BRCA2: variants seen among roughly 807,000 people sequenced by gnomAD.
BRCA2 encodes BRCA2 DNA repair associated, also known as breast cancer type 2 susceptibility protein.
A neutral mutation model predicts 276.7 loss-of-function variants in BRCA2; 203 were observed. That is an observed-to-expected ratio of 0.73 (90% CI 0.65 to 0.82). BRCA2 has a LOEUF of 0.82. Among genes scored for constraint, BRCA2 ranks in the 40% least tolerant of loss-of-function variants. BRCA2 has a pLI of 0.00. For synonymous variants in BRCA2, 1,289 were observed against 1,338.4 expected, an observed-to-expected ratio of 0.96 and a Z score of 0.81; for missense variants, 3,920 against 3,915.0, an observed-to-expected ratio of 1.00 and a Z score of -0.03.
At chr13:32,368,589 A>T (rs2137592577) in intron 18 of BRCA2, among the ~76,000 whole-genome samples, 1 of 151,258 alleles carries the variant, frequency 6.6e-6, no homozygotes, top group East Asian at 2.0e-4. Flanking sequence ...CTCAATGGTG[A>T]TCATTCACTG....
At position 32,326,103 on chromosome 13, in the gene BRCA2, CTGT is replaced by C. The variant is rs80359442; in HGVS notation, c.433_435del (p.Val145del). 4.0e-5 allele frequency: 64 copies of C among 1,608,284 alleles called. No homozygotes were observed. The highest frequency in any genetic ancestry group is 5.3e-5 in the Non-Finnish European group (62 of 1,177,332). On this transcript the variant is annotated inframe_deletion, in exon 5 of 27. Coordinates refer to ENST00000380152, the MANE Select transcript of BRCA2 (RefSeq NM_000059.4). ...GGATTTGCTTTGTTTTATTTTAGTC[CTGT>C]TGTTCTACAATGTACACATGTAACA...
chr13:32,327,162 TGTAG>T (rs1199612082), intron 7 of BRCA2, among the ~76,000 whole-genome samples: 7 of 152,150 alleles, frequency 4.6e-5, no homozygotes, highest in Admixed American at 1.3e-4. Flanking sequence ...TATTTCCTAT[TGTAG>T]GCTGGTTGCA....
chr13:32,373,757 A>G (rs1263104107), intron 20 of BRCA2, among the ~76,000 whole-genome samples: 1 of 151,912 alleles, frequency 6.6e-6, no homozygotes, highest in African/African-American at 2.4e-5. Context: ...TCAGTGGGGG[A>G]TGATGGCCCT....
Position 32,370,558 on chromosome 13 carries a change from G to A in BRCA2, c.8487+1G>A, listed in dbSNP as rs81002798. The A allele has an allele frequency of 6.2e-7, 1 of 1,609,642 alleles. No individual in the cohort carries two copies. Among genetic ancestry groups the A allele is most frequent in the Non-Finnish European group, 8.5e-7 (1 of 1,175,992 alleles). On this transcript the variant is annotated splice_donor_variant, in intron 19 of 26. Transcript: ENST00000380152. LOFTEE classifies it high-confidence loss of function. ...TATTCAAAGAGCATACCCTATACAG[G>A]TATGATGTATTCTTGAAACTTACCA... is the stretch of plus-strand genomic sequence containing the variant.
chr13:32,363,676 C>A, intron 18 of BRCA2, 143 bp downstream of exon 18: 2 of 846,972 alleles, frequency 2.4e-6, no homozygotes, highest in Non-Finnish European at 1.8e-6. Flanking sequence ...GCATATTCTT[C>A]AGACAGTTAA....
At chr13:32,328,097 T>C (rs903434944) in intron 7 of BRCA2, among the ~76,000 whole-genome samples, 2 of 152,186 alleles carry the variant, frequency 1.3e-5, no homozygotes, top group African/African-American at 4.8e-5. Context: ...AAGAAATGTC[T>C]GTACATAAAT....
rs80358721 is a variant in BRCA2, at chr13:32,339,320, C to G, written c.4965C>G (p.Tyr1655Ter). ...KETAKSPATC[Y>*]TNQSPYSVIE... Reference sequence around the variant, plus strand: ...CAGCAAAAAGTCCTGCAACTTGTTACACAAATCAGTCCCCTTATTCAGTCA... The same window carrying G: ...CAGCAAAAAGTCCTGCAACTTGTTAGACAAATCAGTCCCCTTATTCAGTCA... Residue 1655 changes from tyrosine (Y) to a stop codon, truncating the protein, a stop_gained, in exon 11 of 27, where the codon TAC becomes TAG. Transcript: ENST00000380152. LOFTEE classifies it high-confidence loss of function. 1.5e-5 allele frequency: 24 copies of G among 1,601,530 alleles called. No individual in the cohort carries two copies. The highest frequency in any genetic ancestry group is 2.0e-5 in the Non-Finnish European group (24 of 1,175,608).
chr13:32,396,788 A>G, intron 25 of BRCA2, 110 bp from the exon 26 acceptor site: 1 of 1,391,494 alleles, frequency 7.2e-7, no homozygotes, highest in South Asian at 1.2e-5. Context: ...AGGGTTTTTC[A>G]TTCTTTTTTG....
At position 32,337,611 on chromosome 13, in the gene BRCA2, A is replaced by G. The variant is rs80358571; in HGVS notation, c.3256A>G (p.Ile1086Val). 1.1e-5 allele frequency: 17 copies of G among 1,593,004 alleles called. No homozygotes were observed. In the East Asian group the frequency reaches 2.5e-4, roughly 23 times the overall value. Residue 1086 changes from isoleucine (I) to valine (V), a missense_variant, in exon 11 of 27, where the codon ATA becomes GTA. By Grantham distance (29) the Ile-to-Val change is conservative. Around this residue, in one of 2 missense-constraint regions of BRCA2, gnomAD observed 3,263 missense variants for 3,156.9 expected, o/e 1.03. Transcript: ENST00000380152. ...VVVSDCKNSH[I>V]TPQMLFSKQD... is the part of the protein sequence containing the mutation. Reference sequence around the variant, plus strand: ...TGTTTCTGATTGTAAAAATAGTCATATAACCCCTCAGATGTTATTTTCCAA... The same window carrying G: ...TGTTTCTGATTGTAAAAATAGTCATGTAACCCCTCAGATGTTATTTTCCAA...
In BRCA2 at chr13:32,337,692, G is replaced by A. The variant is rs1482364471; in HGVS notation, c.3337G>A (p.Glu1113Lys). The change falls in exon 11 of 27, where the codon GAA (glutamate) becomes AAA (lysine). Residue 1113 changes from glutamate (E) to lysine (K), a missense_variant. Physicochemically the swap from Glu to Lys is moderately conservative, Grantham distance 56 (BLOSUM62 1). This residue lies in a region of BRCA2 where 3,263 missense variants were observed against 3,156.9 expected (regional missense o/e 1.03). Transcript: ENST00000380152. ...ACCTAGCCAAAAGGCAGAAATTACA[G>A]AACTTTCTACTATATTAGAAGAATC... ...LTPSQKAEIT[E>K]LSTILEESGS... 1 of 1,601,588 alleles carries A rather than the reference G, an allele frequency of 6.2e-7. No individual in the cohort carries two copies. Among genetic ancestry groups the A allele is most frequent in the Non-Finnish European group, 8.5e-7 (1 of 1,175,260 alleles).
At chr13:32,358,624 T>G (rs1593921654) in intron 16 of BRCA2, among the ~76,000 whole-genome samples, 1 of 151,368 alleles carries the variant, frequency 6.6e-6, no homozygotes, top group Non-Finnish European at 1.5e-5. Flanking sequence ...AAAACCCATC[T>G]CTACAAACAA....
Position 32,370,334 on chromosome 13 carries a change from TATG to T in BRCA2, c.8332-65_8332-63del, listed in dbSNP as rs1444982208. 11 of 1,466,438 alleles carry T rather than the reference TATG, an allele frequency of 7.5e-6. No individual in the cohort carries two copies. The Admixed American group carries it at 1.4e-4, about 18-fold the overall frequency. 90.8% of individuals were successfully genotyped at this position (1,466,438 alleles called of 1,614,324 possible). ...GCAGTTCTAGAAGAATGAAAACTCT[TATG>T]ATATCTGTAATAGAATTGAATACAT... is the stretch of plus-strand genomic sequence containing the variant. On this transcript the variant is annotated intron_variant, in intron 18 of 26. Coordinates refer to ENST00000380152, the MANE Select transcript of BRCA2 (RefSeq NM_000059.4).
At chr13:32,359,145 C>T (rs2072721674) in intron 16 of BRCA2, among the ~76,000 whole-genome samples, 1 of 150,358 alleles carries the variant, frequency 6.7e-6, no homozygotes, top group African/African-American at 2.5e-5. Flanking sequence ...TCGTTTGAAC[C>T]CGGGAGGCGG....
rs2137453117 is a variant in BRCA2, at chr13:32,326,623, G to A, written c.631+10G>A. On this transcript the variant is annotated intron_variant, in intron 7 of 26. Coordinates refer to ENST00000380152, the MANE Select transcript of BRCA2 (RefSeq NM_000059.4). ...TCTACTGTGCTCATAGGTAATAATA[G>A]CAAATGTGTATTTACAAGAAAGAGC... 6.4e-7 allele frequency: 1 copy of A among 1,557,500 alleles called. No homozygotes were observed. The highest frequency in any genetic ancestry group is 1.4e-5 in the African/African-American group (1 of 73,718).
intron 21 of BRCA2, among the ~76,000 whole-genome samples, chr13:32,378,482 A>G (rs1392408681): frequency 6.6e-6 from 1 of 152,214 alleles, no homozygotes; most frequent in East Asian, 1.9e-4. Flanking sequence ...CAGGTTTTAC[A>G]ACAAAATTGT....
At chr13:32,345,115 G>A (rs953662360) in intron 12 of BRCA2, among the ~76,000 whole-genome samples, 3 of 151,888 alleles carry the variant, frequency 2.0e-5, no homozygotes, top group African/African-American at 4.8e-5. Flanking sequence ...ATTTTTCCCC[G>A]GCAATAAGTA....
intron 3 of BRCA2, among the ~76,000 whole-genome samples, chr13:32,322,518 A>G (rs998748850): frequency 5.3e-5 from 8 of 152,186 alleles, no homozygotes; most frequent in African/African-American, 1.9e-4. Context: ...GCAGCAGGAG[A>G]ATGTCCTTAA....
At chr13:32,316,267 A>G (rs1475159416) in intron 1 of BRCA2, among the ~76,000 whole-genome samples, 155 bp from the exon 2 acceptor site, 1 of 152,220 alleles carries the variant, frequency 6.6e-6, no homozygotes, top group Non-Finnish European at 1.5e-5. Context: ...GCACAGCTGT[A>G]AAATGTTCCC....
intron 20 of BRCA2, chr13:32,375,395 A>C (rs1243534166): frequency 1.1e-5 from 5 of 452,516 alleles, no homozygotes; most frequent in Admixed American, 7.1e-5. Context: ...TGAGGGTTGG[A>C]ATCAACTTCT....
Sources: gnomAD v4.1 joint callset for allele counts (sites outside exome capture counted in the v4.1 genomes callset) on GRCh38, gnomAD v4.1.1 for gene constraint, gnomAD v4.1.1 regional missense constraint, MANE v1.5 for transcripts, NCBI Gene and HGNC (gene_info 2026-07-23, HGNC 2026-07-21) for gene names.